Variants in FLT4 observed in about 807,000 individuals in gnomAD.
The protein encoded by FLT4 is fms related receptor tyrosine kinase 4, also known as vascular endothelial growth factor receptor 3.
Under a neutral mutation model 163.2 loss-of-function variants are expected in FLT4, and 30 were observed. The observed-to-expected ratio is 0.18, with a 90% CI of 0.14 to 0.25. FLT4 has a LOEUF of 0.25. Ranked by LOEUF, FLT4 falls within the 10% of genes least tolerant of loss-of-function variation. The pLI is 1.00. For synonymous variants in FLT4, 884 were observed against 789.5 expected, an observed-to-expected ratio of 1.12 and a Z score of -2.01; for missense variants, 1,510 against 1,863.8, an observed-to-expected ratio of 0.81 and a Z score of 3.50.
intron 29 of FLT4, among the ~76,000 whole-genome samples, chr5:180,604,459 G>T (rs907216123): frequency 1.3e-5 from 2 of 152,132 alleles, no homozygotes; most frequent in African/African-American, 4.8e-5. Flanking sequence ...TCCTCCCGCG[G>T]ACTGCTGTGT....
chr5:180,626,100 C>T lies in FLT4; in HGVS notation c.1258+11G>A. ...GCCGCCCACCCGTGCGCTCTCCCGT[C>T]CCTGACCTACCATTCACCACCAGCT... is the stretch of plus-strand genomic sequence containing the variant. On this transcript the variant is annotated intron_variant, in intron 9 of 29. Transcript: ENST00000261937. The T allele has an allele frequency of 1.2e-6, 2 of 1,612,816 alleles. No homozygotes were observed. Among genetic ancestry groups the T allele is most frequent in the Admixed American group, 1.7e-5 (1 of 60,030 alleles).
chr5:180,619,422 G>A (rs754483117), intron 18 of FLT4, 56 bp from the exon 19 acceptor site: 1 of 1,064,064 alleles, frequency 9.4e-7, no homozygotes, highest in Non-Finnish European at 1.3e-6. Flanking sequence ...CCCGTTCCCC[G>A]CCACCCGGCG....
rs1466991157 is a variant in FLT4, at chr5:180,623,117, A to T, written c.1549-278T>A. ...GTGACGTCAGAGGGCAGCCTTTGGC[A>T]GGACCAGAGAGACCTCTGGCCGTGG... On this transcript the variant is annotated intron_variant, in intron 11 of 29. Coordinates refer to ENST00000261937, the MANE Select transcript of FLT4 (RefSeq NM_182925.5). This position sits in a 1 kb window ranked among gnomAD's most constrained non-coding sequence, Gnocchi z 5.8. 6.6e-6 allele frequency among the ~76,000 whole-genome samples: 1 copy of T among 152,214 alleles called. No individual in the cohort carries two copies. Among genetic ancestry groups the T allele is most frequent in the Non-Finnish European group, 1.5e-5 (1 of 68,044 alleles).
chr5:180,637,761 C>T (rs1191129346), intron 1 of FLT4, among the ~76,000 whole-genome samples: 1 of 152,166 alleles, frequency 6.6e-6, no homozygotes, highest in Admixed American at 6.5e-5. Context: ...AACTCCTGAC[C>T]TCAGGTGATC....
At chr5:180,612,233 G>T (rs1762263281) in intron 26 of FLT4, among the ~76,000 whole-genome samples, 1 of 152,192 alleles carries the variant, frequency 6.6e-6, no homozygotes, top group Non-Finnish European at 1.5e-5. Flanking sequence ...CAGGCCGGGG[G>T]GGACCAGCCT....
Position 180,630,099 on chromosome 5 carries a change from A to T in FLT4, c.520T>A (p.Ser174Thr). 6.2e-7 allele frequency: 1 copy of T among 1,610,758 alleles called. No homozygotes were observed. Among genetic ancestry groups the T allele is most frequent in the Non-Finnish European group, 8.5e-7 (1 of 1,179,270 alleles). Residue 174 changes from serine to threonine, a missense_variant, in exon 5 of 30, where the codon TCG becomes ACG. By Grantham distance (58) the Ser-to-Thr change is moderately conservative. Around this residue, in one of 5 missense-constraint regions of FLT4, gnomAD observed 163 missense variants for 281.1 expected, o/e 0.58. Coordinates refer to ENST00000261937, the MANE Select transcript of FLT4 (RefSeq NM_182925.5). This position sits in a 1 kb window ranked among gnomAD's most constrained non-coding sequence, Gnocchi z 6.3. ...GLNVTLRSQSSVLWPDGQEVV... is the reference protein window; with the variant it reads ...GLNVTLRSQSTVLWPDGQEVV... ...TCCTGCCCGTCTGGCCACAGCACCG[A>T]GCTTTGCTGGAGGGACAAGGCCACC...
rs574286914 is a variant in FLT4 at position 180,626,614 on chromosome 5, C to T, written c.1104-349G>A. Reference sequence around the variant, plus strand: ...TTCTCTCCCTGCCTGTGGCTGCAGACAGCCTTCTTCAGCCAGGCTTGCCCA... The same window carrying T: ...TTCTCTCCCTGCCTGTGGCTGCAGATAGCCTTCTTCAGCCAGGCTTGCCCA... On this transcript the variant is annotated intron_variant, in intron 8 of 29. Transcript: ENST00000261937. 3.3e-5 allele frequency among the ~76,000 whole-genome samples: 5 copies of T among 152,346 alleles called. No individual in the cohort carries two copies. In the South Asian group the frequency reaches 1.0e-3, roughly 32 times the overall value.
chr5:180,604,967 T>C (rs1271029282), intron 29 of FLT4, among the ~76,000 whole-genome samples: 1 of 151,928 alleles, frequency 6.6e-6, no homozygotes, highest in Non-Finnish European at 1.5e-5. Flanking sequence ...ATTTATCGGG[T>C]TTTTTTCCCC....
intron 29 of FLT4, among the ~76,000 whole-genome samples, chr5:180,605,536 C>A (rs2127783786): frequency 6.6e-6 from 1 of 152,248 alleles, no homozygotes; most frequent in African/African-American, 2.4e-5. Flanking sequence ...CAGGATTATT[C>A]ATGTTAGGAT....
Position 180,630,009 on chromosome 5 carries a change from G to C in FLT4, c.610C>G (p.Leu204Val), listed in dbSNP as rs201659972. ...STPLLHDALY[L>V]QCETTWGDQD... ...TCTCCCCAGGTGGTCTCGCACTGCAGGTACAGGGCATCGTGCAGCAGTGGC... is the reference window on the plus strand; with the variant it reads ...TCTCCCCAGGTGGTCTCGCACTGCACGTACAGGGCATCGTGCAGCAGTGGC... Residue 204 changes from leucine (L) to valine (V), a missense_variant, in exon 5 of 30, where the codon CTG (leucine) becomes GTG (valine). Transcript: ENST00000261937. The surrounding 1 kb of genome is among the most constrained non-coding windows in gnomAD (Gnocchi z 6.3). 6.2e-6 allele frequency: 10 copies of C among 1,612,830 alleles called. No individual in the cohort carries two copies. In the Admixed American group the frequency reaches 1.5e-4, roughly 24 times the overall value.
intron 1 of FLT4, among the ~76,000 whole-genome samples, chr5:180,644,953 C>A (rs551695221): frequency 2.0e-5 from 3 of 152,222 alleles, no homozygotes; most frequent in Admixed American, 1.3e-4. Flanking sequence ...ACCGTCTGCC[C>A]GGAGTTCCCA....
chr5:180,609,432 G>A, intron 28 of FLT4: 1 of 405,090 alleles, frequency 2.5e-6, no homozygotes, highest in East Asian at 4.5e-5. Context: ...GGTTTGGGGG[G>A]CTTTGTTATC....
chr5:180,602,903 TGCTGG>T lies in FLT4; in HGVS notation c.*284_*288del, dbSNP rs1761587072. On this transcript the variant is annotated 3_prime_UTR_variant, in exon 30 of 30. Transcript: ENST00000261937. ...CGCCAAAGAGACATTCCCATGGAAG[TGCTGG>T]CCCCGGGACCAGCACCTGCGGATGC... is the stretch of plus-strand genomic sequence containing the variant. 1.7e-6 allele frequency: 1 copy of T among 588,088 alleles called. No homozygotes were observed. Among genetic ancestry groups the T allele is most frequent in the African/African-American group, 1.9e-5 (1 of 53,706 alleles). The allele number at this position is 588,088 out of a possible 1,614,324, so 36.4% of individuals were successfully genotyped here. A position where few individuals can be genotyped will look rare whatever the true frequency, so the allele number is the denominator to read the frequency against.
rs781478766 is a variant in FLT4 at position 180,620,973 on chromosome 5, G to C, written c.2202C>G (p.Ser734Arg). 6.2e-7 allele frequency: 1 copy of C among 1,611,072 alleles called. No individual in the cohort carries two copies. ...VDLADSNQKL[S>R]IQRVREEDAG... ...CATCCTCCTCGCGCACGCGCTGGAT[G>C]CTCAGCTTCTGGTTGGAGTCCGCCA... Residue 734 changes from serine (S) to arginine (R), a missense_variant, in exon 15 of 30, where the codon AGC becomes AGG. By Grantham distance (110) the Ser-to-Arg change is moderately radical (BLOSUM62 -1). This residue lies in a region of FLT4 where 878 missense variants were observed against 1,016.7 expected (regional missense o/e 0.86). Coordinates refer to ENST00000261937, the MANE Select transcript of FLT4 (RefSeq NM_182925.5). The surrounding 1 kb of genome is among the most constrained non-coding windows in gnomAD (Gnocchi z 4.4).
intron 1 of FLT4, among the ~76,000 whole-genome samples, chr5:180,647,130 C>T (rs1765527150): frequency 6.6e-6 from 1 of 152,218 alleles, no homozygotes; most frequent in African/African-American, 2.4e-5. Flanking sequence ...CAGGCCACTC[C>T]AGATGCCCAG....
rs1007221731 is a variant in FLT4, at chr5:180,602,047, G to C, written c.*1145C>G. The C allele has an allele frequency of 4.3e-6, 1 of 233,280 alleles. No individual in the cohort carries two copies. 14.5% of individuals were successfully genotyped at this position (233,280 alleles called of 1,614,324 possible). ...GCCTCCAGCCTTCAGGGGATCTCTC[G>C]GCTGCTCCTCTGGGAGGGCGGCATT... On this transcript the variant is annotated 3_prime_UTR_variant, in exon 30 of 30. Transcript: ENST00000261937.
In FLT4 at chr5:180,616,353, T is replaced by C. The variant is rs376130794; in HGVS notation, c.3219+14A>G. 20 of 1,613,738 alleles carry C rather than the reference T, an allele frequency of 1.2e-5. No individual in the cohort carries two copies. The highest frequency in any genetic ancestry group is 9.3e-5 in the African/African-American group (7 of 74,942). On this transcript the variant is annotated intron_variant, in intron 23 of 29. Transcript: ENST00000261937. ...TCCGCCCCACGTTCCCTCTCCTCAA[T>C]GGCCTGCACTCACACTGCCCTTGCG... is the stretch of plus-strand genomic sequence containing the variant.
intron 1 of FLT4, among the ~76,000 whole-genome samples, chr5:180,649,282 G>C (rs1765634175): frequency 6.6e-6 from 1 of 151,854 alleles, no homozygotes; most frequent in Non-Finnish European, 1.5e-5. Flanking sequence ...CCCTGGCCCT[G>C]ACCCGGCTGC....
chr5:180,630,592 C>T lies in FLT4; in HGVS notation c.363G>A (p.Glu121=). Residue 121 remains glutamate, a synonymous_variant, in exon 3 of 30, where the codon GAG becomes GAA. Coordinates refer to ENST00000261937, the MANE Select transcript of FLT4 (RefSeq NM_182925.5). The surrounding 1 kb of genome is among the most constrained non-coding windows in gnomAD (Gnocchi z 6.3). ...CGTAGGAGCTGGCGGCCGTGGTGCC[C>T]TCGATGCGTGCCTTGATGTACTTGT... ...CYYKYIKARI[E]GTTAASSYVF... The T allele has an allele frequency of 1.2e-6, 2 of 1,613,038 alleles. No homozygotes were observed. Among genetic ancestry groups the T allele is most frequent in the Non-Finnish European group, 1.7e-6 (2 of 1,179,976 alleles).
Sources: allele counts gnomAD v4.1 joint callset (sites outside exome capture counted in the v4.1 genomes callset), GRCh38; gene constraint gnomAD v4.1.1; regional missense constraint gnomAD v4.1.1; non-coding constraint Gnocchi (gnomAD v3.1); transcripts MANE v1.5; gene names NCBI Gene and HGNC (gene_info 2026-07-23, HGNC 2026-07-21).